The following BTBD9 variants were observed in gnomAD, a reference collection of about 807,000 sequenced individuals.
BTBD9 encodes BTB domain containing 9, also known as BTB/POZ domain-containing protein 9.
A neutral mutation model predicts 64.3 loss-of-function variants in BTBD9; 49 were observed. The observed-to-expected ratio is 0.76, with a 90% CI of 0.61 to 0.97. BTBD9 has a LOEUF of 0.97. Among genes scored for constraint, BTBD9 ranks in the 50% least tolerant of loss-of-function variants. The pLI is 0.00. For missense variants in BTBD9, 598 were observed against 762.1 expected (o/e 0.78, Z 2.53); for synonymous variants, 260 against 274.7 (o/e 0.95, Z 0.53).
chr6:38,489,996 T>C (rs1183160397), intron 6 of BTBD9, among the ~76,000 whole-genome samples: 1 of 152,250 alleles, frequency 6.6e-6, no homozygotes, highest in Non-Finnish European at 1.5e-5. Flanking sequence ...AGTCAAATCC[T>C]CTGCATTTGT....
At chr6:38,270,050 T>A (rs1765147062) in intron 8 of BTBD9, among the ~76,000 whole-genome samples, 1 of 152,200 alleles carries the variant, frequency 6.6e-6, no homozygotes, top group South Asian at 2.1e-4. Context: ...AAATCACTCC[T>A]ATCTAGCTAA....
chr6:38,354,969 C>G (rs1446606800), intron 6 of BTBD9, among the ~76,000 whole-genome samples: 1 of 151,708 alleles, frequency 6.6e-6, no homozygotes, highest in African/African-American at 2.4e-5. Context: ...GTGTTAAGTG[C>G]CAAAACTAGT....
chr6:38,626,981 A>G (rs561911692), intron 1 of BTBD9, among the ~76,000 whole-genome samples: 82 of 152,370 alleles, frequency 5.4e-4, no homozygotes, highest in Non-Finnish European at 1.1e-3. Flanking sequence ...TTACTTCAGT[A>G]AAGTATACAT....
intron 4 of BTBD9, among the ~76,000 whole-genome samples, chr6:38,591,842 T>G (rs1336691886): frequency 2.0e-5 from 3 of 152,192 alleles, no homozygotes; most frequent in Non-Finnish European, 2.9e-5. Context: ...GTTAGCTACC[T>G]TATGTATGTA....
chr6:38,281,911 AACTG>A (rs536845395), intron 8 of BTBD9, among the ~76,000 whole-genome samples: 220 of 152,346 alleles, frequency 1.4e-3, no homozygotes, highest in African/African-American at 4.9e-3. Context: ...TTGTTAATTT[AACTG>A]ACTATCTTAT....
intron 6 of BTBD9, among the ~76,000 whole-genome samples, chr6:38,437,704 A>T (rs890241585): frequency 6.6e-6 from 1 of 151,994 alleles, no homozygotes; most frequent in Non-Finnish European, 1.5e-5. Context: ...TCACGTAGAG[A>T]AGAAGGTTTC....
chr6:38,411,894 G>A (rs188628635), intron 6 of BTBD9, among the ~76,000 whole-genome samples: 60 of 152,148 alleles, frequency 3.9e-4, no homozygotes, highest in Non-Finnish European at 5.9e-5. Flanking sequence ...CCAAGATTGT[G>A]TCATTTGGGC....
chr6:38,482,162 A>ATCTCTCATTAACATTT (rs1744887060), intron 6 of BTBD9: 1 of 152,212 alleles, frequency 6.6e-6, no homozygotes, highest in African/African-American at 2.4e-5. Context: ...TGCTTAAGCC[A>ATCTCTCATTAACATTT]TCTCTCATTA....
At chr6:38,555,955 T>C (rs1391165740) in intron 6 of BTBD9, among the ~76,000 whole-genome samples, 1 of 152,232 alleles carries the variant, frequency 6.6e-6, no homozygotes, top group Admixed American at 6.5e-5. Context: ...TGGGCAGGAA[T>C]AGAATTCACA....
intron 8 of BTBD9, among the ~76,000 whole-genome samples, chr6:38,261,593 C>A (rs548551063): frequency 1.3e-5 from 2 of 152,276 alleles, no homozygotes; most frequent in African/African-American, 4.8e-5. Context: ...TAATGACTTA[C>A]AAAATGTCCT....
At chr6:38,543,295 C>G (rs960538071) in intron 6 of BTBD9, among the ~76,000 whole-genome samples, 2 of 152,204 alleles carry the variant, frequency 1.3e-5, no homozygotes, top group Non-Finnish European at 2.9e-5. Context: ...TCACTTTCTA[C>G]CACCTTGTGT....
At chr6:38,181,223 T>C (rs533930920) in intron 10 of BTBD9, among the ~76,000 whole-genome samples, 36 of 152,392 alleles carry the variant, frequency 2.4e-4, no homozygotes, top group South Asian at 6.2e-4. Flanking sequence ...TTAATAAATG[T>C]TGATCAATGA....
intron 1 of BTBD9, among the ~76,000 whole-genome samples, chr6:38,638,603 A>G (rs542563021): frequency 2.0e-5 from 3 of 152,370 alleles, no homozygotes; most frequent in South Asian, 4.1e-4. Flanking sequence ...GAGTAATCTA[A>G]TAAGTGTTAC....
At chr6:38,599,695 C>T (rs1231561616) in intron 1 of BTBD9, among the ~76,000 whole-genome samples, 3 of 152,240 alleles carry the variant, frequency 2.0e-5, no homozygotes, top group Admixed American at 6.5e-5. Context: ...TAAACTCCCA[C>T]ATCCAGATCA....
chr6:38,423,529 T>C (rs1345640742), intron 6 of BTBD9, among the ~76,000 whole-genome samples: 4 of 152,082 alleles, frequency 2.6e-5, no homozygotes, highest in Admixed American at 6.6e-5. Context: ...GGTCTCAAAC[T>C]CATGGGCTCA....
At chr6:38,486,582 A>G (rs893451168) in intron 6 of BTBD9, among the ~76,000 whole-genome samples, 1 of 152,244 alleles carries the variant, frequency 6.6e-6, no homozygotes, top group Non-Finnish European at 1.5e-5. Context: ...CAGTCAGTGG[A>G]GCAGTCAGAA....
Position 38,419,046 on chromosome 6 carries a change from T to C in BTBD9, c.1155-73953A>G, listed in dbSNP as rs551924016. Among the ~76,000 whole-genome samples the C allele has an allele frequency of 1.4e-4, 22 of 152,350 alleles. No individual in the cohort carries two copies. In the East Asian group the frequency reaches 2.7e-3, roughly 19 times the overall value. The stretch of plus-strand genomic sequence containing the variant: ...TGCTAAAGATCACTAAACCCATTCT[T>C]ACAAAATAGCAAGACAGGCAGGCTA... On this transcript the variant is annotated intron_variant, in intron 6 of 10. Transcript: ENST00000481247.
At chr6:38,507,818 T>C (rs1355573353) in intron 6 of BTBD9, among the ~76,000 whole-genome samples, 3 of 151,460 alleles carry the variant, frequency 2.0e-5, no homozygotes, top group East Asian at 1.9e-4. Flanking sequence ...AATATGAAAA[T>C]GTCTCCCAAA....
chr6:38,352,222 T>C (rs1764546290), intron 6 of BTBD9, among the ~76,000 whole-genome samples: 1 of 151,826 alleles, frequency 6.6e-6, no homozygotes, highest in South Asian at 2.1e-4. Flanking sequence ...ACTAAAAATT[T>C]AGAAACTAGC....
Sources: gnomAD v4.1 joint callset for allele counts (sites outside exome capture counted in the v4.1 genomes callset) on GRCh38, gnomAD v4.1.1 for gene constraint, MANE v1.5 for transcripts, NCBI Gene and HGNC (gene_info 2026-07-23, HGNC 2026-07-21) for gene names.